Variants in ADRA1A observed in about 807,000 individuals in gnomAD.
ADRA1A encodes the protein adrenoceptor alpha 1A, also known as alpha-1A adrenergic receptor.
In ADRA1A, 31 loss-of-function variants were observed where a neutral mutation model predicts 29.6. The ratio of observed to expected loss-of-function variants is 1.05; its 90% CI spans 0.79 to 1.41. The LOEUF (loss-of-function observed/expected upper bound fraction) is 1.41. Ranked by LOEUF, ADRA1A falls within the 40% of genes most tolerant of loss-of-function variation. ADRA1A has a pLI of 0.00. For missense variants in ADRA1A, 619 were observed against 601.1 expected (o/e 1.03, Z -0.31); for synonymous variants, 311 against 254.3 (o/e 1.22, Z -2.12).
At chr8:26,855,217 A>ATATGTGTG (rs1554513295) in intron 2 of ADRA1A, among the ~76,000 whole-genome samples, 1 of 133,336 alleles carries the variant, frequency 7.5e-6, no homozygotes, top group East Asian at 2.0e-4. Context: ...GTGTGCATGC[A>ATATGTGTG]TGTGTGTGTG....
intron 2 of ADRA1A, among the ~76,000 whole-genome samples, chr8:26,807,736 G>A (rs1231416904): frequency 6.6e-6 from 1 of 152,190 alleles, no homozygotes; most frequent in Non-Finnish European, 1.5e-5. Context: ...TACTTAGAAT[G>A]TCCAGGAAAA....
At chr8:26,818,075 C>G (rs1227978742) in intron 2 of ADRA1A, among the ~76,000 whole-genome samples, 1 of 152,150 alleles carries the variant, frequency 6.6e-6, no homozygotes, top group Non-Finnish European at 1.5e-5. Context: ...ATGCCTGACT[C>G]CAAAGGCTAC....
chr8:26,852,566 A>T (rs766647093), intron 2 of ADRA1A, among the ~76,000 whole-genome samples: 2 of 152,124 alleles, frequency 1.3e-5, no homozygotes, highest in Non-Finnish European at 2.9e-5. Flanking sequence ...CTATGCTAAA[A>T]ACTTGAACCT....
chr8:26,831,002 G>A lies in ADRA1A; in HGVS notation c.883+33085C>T, dbSNP rs968641387. On this transcript the variant is annotated intron_variant, in intron 2 of 2. Transcript: ENST00000380573. The surrounding 1 kb of genome is among the most constrained non-coding windows in gnomAD (Gnocchi z 5.2). ...TCTGTAGAAGTGTCTTTGTTCTCAT[G>A]GATGCACTGTTACTTCCTGGACTTT... Among the ~76,000 whole-genome samples, 8 of 152,112 alleles carry A rather than the reference G, an allele frequency of 5.3e-5. No homozygotes were observed. The highest frequency in any genetic ancestry group is 1.9e-4 in the African/African-American group (8 of 41,408).
intron 2 of ADRA1A, among the ~76,000 whole-genome samples, chr8:26,863,065 C>T (rs1487492309): frequency 6.6e-6 from 1 of 152,120 alleles, no homozygotes; most frequent in Non-Finnish European, 1.5e-5. Context: ...AATTAAAGTA[C>T]TTTAAGTATA....
At chr8:26,801,743 T>G (rs1376311502) in intron 2 of ADRA1A, among the ~76,000 whole-genome samples, 1 of 151,478 alleles carries the variant, frequency 6.6e-6, no homozygotes, top group East Asian at 1.9e-4. Context: ...TGAAATAAAA[T>G]AAATAAAATT....
At position 26,864,284 on chromosome 8, in the gene ADRA1A, G is replaced by A; in HGVS notation, c.686C>T (p.Ser229Leu). ...ATGGATGCGGAGCGTCACTTGCTCC[G>A]AGTCCGACTTGTCGGTCTTGAGGCC... ...KSGLKTDKSD[S>L]EQVTLRIHRK... Residue 229 changes from serine to leucine, a missense_variant, in exon 2 of 3, where the codon TCG becomes TTG. Ser to Leu is a moderately radical substitution (Grantham distance 145). Coordinates refer to ENST00000380573, the MANE Select transcript of ADRA1A (RefSeq NM_000680.4). The surrounding 1 kb of genome is among the most constrained non-coding windows in gnomAD (Gnocchi z 8.1). The A allele has an allele frequency of 1.2e-6, 2 of 1,614,146 alleles. No homozygotes were observed. The highest frequency in any genetic ancestry group is 2.2e-5 in the East Asian group (1 of 44,864).
intron 2 of ADRA1A, among the ~76,000 whole-genome samples, chr8:26,813,052 T>A (rs1809525420): frequency 6.7e-6 from 1 of 150,358 alleles, no homozygotes; most frequent in Admixed American, 6.6e-5. Context: ...CGCTATCGTC[T>A]AACTACAATT....
chr8:26,849,062 C>T (rs1812426241), intron 2 of ADRA1A, among the ~76,000 whole-genome samples: 1 of 152,180 alleles, frequency 6.6e-6, no homozygotes, highest in African/African-American at 2.4e-5. Context: ...TAAAAGAATA[C>T]ACATACAGGT....
rs1585857826 is a variant in ADRA1A at position 26,860,106 on chromosome 8, C to T, written c.883+3981G>A. Among the ~76,000 whole-genome samples, 1 of 152,232 alleles carries T rather than the reference C, an allele frequency of 6.6e-6. No homozygotes were observed. The highest frequency in any genetic ancestry group is 2.1e-4 in the South Asian group (1 of 4,824). On this transcript the variant is annotated intron_variant, in intron 2 of 2. Coordinates refer to ENST00000380573, the MANE Select transcript of ADRA1A (RefSeq NM_000680.4). This position sits in a 1 kb window ranked among gnomAD's most constrained non-coding sequence, Gnocchi z 4.7. ...AAAAGAAGCCCAGTGATTCCGAGGG[C>T]TCCTGTCTACCACCACTTCTCTCCA... is the stretch of plus-strand genomic sequence containing the variant.
chr8:26,846,017 G>C (rs573873), intron 2 of ADRA1A, among the ~76,000 whole-genome samples: 61,815 of 152,050 alleles, frequency 0.41, 13,304 homozygotes, highest in African/African-American at 0.55. Context: ...ATAACATTGC[G>C]AATGTATTAA....
chr8:26,851,236 C>A (rs1812607177), intron 2 of ADRA1A, among the ~76,000 whole-genome samples: 1 of 151,986 alleles, frequency 6.6e-6, no homozygotes, highest in African/African-American at 2.4e-5. Context: ...AAACTTCTCA[C>A]CTTCCATGGG....
In ADRA1A at chr8:26,836,306, G is replaced by C. The variant is rs1016902538; in HGVS notation, c.883+27781C>G. On this transcript the variant is annotated intron_variant, in intron 2 of 2. Coordinates refer to ENST00000380573, the MANE Select transcript of ADRA1A (RefSeq NM_000680.4). ...GACCCTCAGCAAAGACATCAACTTT[G>C]GACCTCATTCCACTCTTTAATGAAT... 3.1e-5 allele frequency: 5 copies of C among 162,094 alleles called. No individual in the cohort carries two copies. The Admixed American group carries it at 3.2e-4, about 10-fold the overall frequency. The allele number at this position is 162,094 out of a possible 1,614,324, so 10.0% of individuals were successfully genotyped here.
intron 2 of ADRA1A, among the ~76,000 whole-genome samples, chr8:26,852,676 A>G (rs1157463434): frequency 6.6e-6 from 1 of 152,178 alleles, no homozygotes; most frequent in East Asian, 1.9e-4. Flanking sequence ...AGTCTCAAAG[A>G]ATTGCATCCA....
chr8:26,750,632 G>A (rs1173361870), intron 2 of ADRA1A, among the ~76,000 whole-genome samples: 1 of 152,146 alleles, frequency 6.6e-6, no homozygotes, highest in African/African-American at 2.4e-5. Flanking sequence ...GATTTTGGAG[G>A]GACACAAACA....
At chr8:26,751,760 C>T (rs1189029359), downstream of ADRA1A, among the ~76,000 whole-genome samples, 1 of 152,230 alleles carries the variant, frequency 6.6e-6, no homozygotes, top group Non-Finnish European at 1.5e-5. Context: ...ACACCTAAGA[C>T]TCATTGAATG....
downstream of ADRA1A, among the ~76,000 whole-genome samples, chr8:26,761,448 G>A (rs1188610221): frequency 6.6e-6 from 1 of 152,182 alleles, no homozygotes; most frequent in Non-Finnish European, 1.5e-5. Flanking sequence ...TGCCTTTTAA[G>A]GCATGGTGTG....
At chr8:26,770,747 C>A (rs770727866) in intron 2 of ADRA1A, 81 bp from the exon 3 acceptor site, 15 of 1,490,636 alleles carry the variant, frequency 1.0e-5, no homozygotes, top group South Asian at 1.4e-5. Context: ...AAACAGACAT[C>A]TTTCTGTATT....
intron 2 of ADRA1A, among the ~76,000 whole-genome samples, chr8:26,774,675 A>G (rs1806418618): frequency 6.6e-6 from 1 of 152,026 alleles, no homozygotes; most frequent in Admixed American, 6.5e-5. Flanking sequence ...TCTAAAAAAA[A>G]AAAAAAAGGA....
Sources: gnomAD v4.1 joint callset for allele counts (sites outside exome capture counted in the v4.1 genomes callset) on GRCh38, gnomAD v4.1.1 for gene constraint, Gnocchi (gnomAD v3.1) non-coding constraint, MANE v1.5 for transcripts, NCBI Gene and HGNC (gene_info 2026-07-23, HGNC 2026-07-21) for gene names.